ARHGAP20: variants seen among roughly 807,000 people sequenced by gnomAD.
The protein encoded by ARHGAP20 is rho GTPase-activating protein 20.
ARHGAP20 carries 34 observed loss-of-function variants against 73.7 expected under a neutral mutation model. That is an observed-to-expected ratio of 0.46 (90% confidence interval 0.35 to 0.61). The LOEUF (loss-of-function observed/expected upper bound fraction) is 0.61. ARHGAP20 is among the 20% of genes least tolerant of loss of function. The pLI is 0.00. For missense variants in ARHGAP20, 1,314 were observed against 1,420.9 expected, an observed-to-expected ratio of 0.92 and a Z score of 1.21; for synonymous variants, 523 against 518.2, an observed-to-expected ratio of 1.01 and a Z score of -0.13.
At position 110,614,417 on chromosome 11, in the gene ARHGAP20, C is replaced by T. The variant is rs73553977; in HGVS notation, c.630+144G>A. The T allele has an allele frequency of 2.8e-3, 1,820 of 649,008 alleles. 28 individuals are homozygous for T. In the African/African-American group the frequency reaches 0.031, roughly 11 times the overall value. 40.2% of individuals were successfully genotyped at this position (649,008 alleles called of 1,614,324 possible). A position where few individuals can be genotyped will look rare whatever the true frequency, so the allele number is the denominator to read the frequency against. ...ACATATAACCAGGAAAATGCATTTTCCCCCTGTGGTATTTCTAAATGCCTA... is the reference window on the plus strand; with the variant it reads ...ACATATAACCAGGAAAATGCATTTTTCCCCTGTGGTATTTCTAAATGCCTA... On this transcript the variant is annotated intron_variant, in intron 6 of 14. Transcript: ENST00000683387.
intron 11 of ARHGAP20, among the ~76,000 whole-genome samples, chr11:110,586,869 G>A (rs895184389): frequency 5.9e-5 from 9 of 152,172 alleles, no homozygotes; most frequent in African/African-American, 2.2e-4. Flanking sequence ...TGCATCAAGA[G>A]GTACTTAAGG....
chr11:110,671,668 G>T (rs1276288731), intron 2 of ARHGAP20, among the ~76,000 whole-genome samples: 1 of 151,934 alleles, frequency 6.6e-6, no homozygotes, highest in Non-Finnish European at 1.5e-5. Context: ...AAAATCAACT[G>T]TATTTCTATA....
rs1355435470 is a variant in ARHGAP20 at position 110,648,622 on chromosome 11, T to C, written c.189-17830A>G. Reference sequence around the variant, plus strand: ...GCCTCAGCCTCCCGAGTAACTGGGATTACAGGTGTGCACCACCATGCCCAG... The same window carrying C: ...GCCTCAGCCTCCCGAGTAACTGGGACTACAGGTGTGCACCACCATGCCCAG... On this transcript the variant is annotated intron_variant, in intron 2 of 14. Transcript: ENST00000683387. 4.6e-5 allele frequency among the ~76,000 whole-genome samples: 7 copies of C among 151,702 alleles called. No homozygotes were observed. In the East Asian group the frequency reaches 1.4e-3, roughly 30 times the overall value.
At chr11:110,610,429 T>C (rs1290124639) in intron 7 of ARHGAP20, among the ~76,000 whole-genome samples, 3 of 152,168 alleles carry the variant, frequency 2.0e-5, no homozygotes, top group Non-Finnish European at 4.4e-5. Flanking sequence ...ATATTATTAA[T>C]TGTATTTAGC....
chr11:110,686,076 T>C (rs1950126396), intron 2 of ARHGAP20, among the ~76,000 whole-genome samples: 1 of 152,158 alleles, frequency 6.6e-6, no homozygotes, highest in Admixed American at 6.5e-5. Flanking sequence ...GTAACAACTT[T>C]GGAAAAAGTT....
intron 12 of ARHGAP20, among the ~76,000 whole-genome samples, chr11:110,584,022 T>C (rs1355906508): frequency 6.6e-6 from 1 of 152,176 alleles, no homozygotes; most frequent in Admixed American, 6.5e-5. Context: ...CCTGAAATAT[T>C]TCCCTGAAAC....
intron 2 of ARHGAP20, among the ~76,000 whole-genome samples, chr11:110,647,814 T>C (rs1206973450): frequency 6.6e-6 from 1 of 152,052 alleles, no homozygotes; most frequent in African/African-American, 2.4e-5. Context: ...ATAAAATCTA[T>C]TCATAACTAG....
intron 2 of ARHGAP20, among the ~76,000 whole-genome samples, chr11:110,644,514 C>T (rs1005958944): frequency 6.6e-6 from 1 of 152,084 alleles, no homozygotes; most frequent in East Asian, 1.9e-4. Context: ...TACCTACAAC[C>T]ATCTGATCTT....
chr11:110,589,182 C>G (rs781193877), intron 11 of ARHGAP20, among the ~76,000 whole-genome samples: 1 of 152,124 alleles, frequency 6.6e-6, no homozygotes, highest in Non-Finnish European at 1.5e-5. Context: ...TATCTGGCTA[C>G]ATATTTTTAC....
At chr11:110,679,259 C>CTTG in intron 2 of ARHGAP20, among the ~76,000 whole-genome samples, 1 of 152,300 alleles carries the variant, frequency 6.6e-6, no homozygotes, top group South Asian at 2.1e-4. Flanking sequence ...GGAAACTCCA[C>CTTG]CTTTTGTAAC....
At chr11:110,699,103 ATATGTTGCC>A (rs1208899919) in intron 1 of ARHGAP20, among the ~76,000 whole-genome samples, 1 of 151,448 alleles carries the variant, frequency 6.6e-6, no homozygotes, top group Non-Finnish European at 1.5e-5. Context: ...TGAGGTTTTG[ATATGTTGCC>A]TATTTTCATT....
chr11:110,668,212 C>T (rs1288596031), intron 2 of ARHGAP20, among the ~76,000 whole-genome samples: 1 of 152,174 alleles, frequency 6.6e-6, no homozygotes, highest in Non-Finnish European at 1.5e-5. Context: ...AGCCAACCAA[C>T]CTTCGGCAAC....
At chr11:110,605,897 TCTCA>T (rs1386074618) in intron 9 of ARHGAP20, among the ~76,000 whole-genome samples, 2 of 151,898 alleles carry the variant, frequency 1.3e-5, no homozygotes, top group East Asian at 1.9e-4. Flanking sequence ...TTTTCTACTA[TCTCA>T]CTCATACTTT....
chr11:110,579,639 G>A lies in ARHGAP20; in HGVS notation c.3307C>T (p.Pro1103Ser), dbSNP rs73553932. The change falls in exon 15 of 15, where the codon CCT (proline) becomes TCT (serine). Residue 1103 changes from proline (P) to serine (S), a missense_variant. Physicochemically the swap from Pro to Ser is moderately conservative, Grantham distance 74. Transcript: ENST00000683387. ...CTACACCTTTGGGCTGACTGCACAGGGGACAGTCCTTCAGCTGCCCTTAAG... is the reference window on the plus strand; with the variant it reads ...CTACACCTTTGGGCTGACTGCACAGAGGACAGTCCTTCAGCTGCCCTTAAG... ...LPLRAAEGLS[P>S]VQSAQRCSSS... 1 of 1,614,084 alleles carries A rather than the reference G, an allele frequency of 6.2e-7. No homozygotes were observed. The highest frequency in any genetic ancestry group is 1.3e-5 in the African/African-American group (1 of 74,932).
intron 9 of ARHGAP20, 118 bp downstream of exon 9, chr11:110,606,443 T>G: frequency 8.7e-7 from 1 of 1,144,924 alleles, no homozygotes; most frequent in Non-Finnish European, 1.2e-6. Flanking sequence ...CCATCTTTCC[T>G]TTTCAAAATA....
At chr11:110,581,853 T>C (rs1038047684) in intron 14 of ARHGAP20, among the ~76,000 whole-genome samples, 2 of 150,740 alleles carry the variant, frequency 1.3e-5, no homozygotes, top group African/African-American at 2.4e-5. Context: ...CCTCAAATGA[T>C]GCTAGTTGTT....
At position 110,709,220 on chromosome 11, in the gene ARHGAP20, G is replaced by T. The variant is rs144936981; in HGVS notation, c.105+2907C>A. On this transcript the variant is annotated intron_variant, in intron 1 of 14. Transcript: ENST00000683387. ...AGGGCCTACAAACCTTAAATATTTA[G>T]TATCTGGTCCTTTAAATAAAGGTTT... 2.9e-3 allele frequency among the ~76,000 whole-genome samples: 447 copies of T among 152,282 alleles called. 2 individuals carry two copies. Among genetic ancestry groups the T allele is most frequent in the Non-Finnish European group, 4.5e-3 (307 of 68,022 alleles).
intron 2 of ARHGAP20, among the ~76,000 whole-genome samples, chr11:110,685,747 A>G (rs1950120392): frequency 2.0e-5 from 3 of 152,172 alleles, no homozygotes; most frequent in Non-Finnish European, 4.4e-5. Context: ...CAACTATGGG[A>G]CAATAGTAAA....
intron 3 of ARHGAP20, among the ~76,000 whole-genome samples, chr11:110,630,162 A>G (rs1029231048): frequency 6.6e-6 from 1 of 152,114 alleles, no homozygotes; most frequent in African/African-American, 2.4e-5. Context: ...CTCTCCCTGG[A>G]ATGCTCATCC....
Sources: gnomAD v4.1 joint callset for allele counts (sites outside exome capture counted in the v4.1 genomes callset) on GRCh38, gnomAD v4.1.1 for gene constraint, MANE v1.5 for transcripts, NCBI Gene and HGNC (gene_info 2026-07-23, HGNC 2026-07-21) for gene names.